The following CRPPA variants were observed in gnomAD, a reference collection of about 807,000 sequenced individuals.
The protein encoded by CRPPA is CDP-L-ribitol pyrophosphorylase A.
In CRPPA, 43 loss-of-function variants were observed where a neutral mutation model predicts 52.0. That is an observed-to-expected ratio of 0.83 (90% CI 0.65 to 1.07). The LOEUF is 1.07. Ranked by LOEUF, CRPPA falls within the 50% of genes least tolerant of loss-of-function variation. The pLI, the probability that CRPPA is intolerant of heterozygous loss-of-function variation, is 0.00. For missense variants in CRPPA, 629 were observed against 551.7 expected (o/e 1.14, Z -1.40); for synonymous variants, 250 against 203.5 (o/e 1.23, Z -1.94).
intron 6 of CRPPA, among the ~76,000 whole-genome samples, chr7:16,267,014 T>A (rs1583480122): frequency 6.6e-6 from 1 of 152,310 alleles, no homozygotes; most frequent in East Asian, 1.9e-4. Context: ...AACAGTAATA[T>A]GATCCCTTTA....
rs1783561025 is a variant in CRPPA at position 16,254,539 on chromosome 7, G to A, written c.1119+3851C>T. ...CACTCATAGGTGGGAATTGAACAAT[G>A]AGAACACTTGGACACAGGGTGGGGA... is the stretch of plus-strand genomic sequence containing the variant. On this transcript the variant is annotated intron_variant, in intron 8 of 9. Transcript: ENST00000407010. 2.0e-5 allele frequency among the ~76,000 whole-genome samples: 3 copies of A among 152,068 alleles called. No homozygotes were observed. The South Asian group carries it at 6.2e-4, about 32-fold the overall frequency.
chr7:16,149,639 G>A (rs1230571931), intron 9 of CRPPA, among the ~76,000 whole-genome samples: 3 of 152,102 alleles, frequency 2.0e-5, no homozygotes, highest in Admixed American at 1.3e-4. Context: ...AAGGTAACTA[G>A]CAAGTTGATT....
chr7:16,288,845 CAA>C (rs71007760), intron 5 of CRPPA, among the ~76,000 whole-genome samples: 2,043 of 34,662 alleles, frequency 0.059, 32 homozygotes, highest in African/African-American at 0.22. Flanking sequence ...GACTCTGCCT[CAA>C]AAAAAAAAAA....
chr7:16,382,684 T>C (rs1263058623), intron 2 of CRPPA, among the ~76,000 whole-genome samples: 3 of 152,122 alleles, frequency 2.0e-5, no homozygotes, highest in African/African-American at 4.8e-5. Context: ...GGAGGCTTTG[T>C]TCGTTTCTTT....
chr7:16,415,961 CA>C (rs1304704157), intron 1 of CRPPA, among the ~76,000 whole-genome samples: 1 of 152,086 alleles, frequency 6.6e-6, no homozygotes, highest in Non-Finnish European at 1.5e-5. Context: ...TTCAAAATTC[CA>C]AAAGACAAAT....
At chr7:16,158,078 G>A (rs1246687277) in intron 9 of CRPPA, among the ~76,000 whole-genome samples, 2 of 150,830 alleles carry the variant, frequency 1.3e-5, no homozygotes, top group Non-Finnish European at 3.0e-5. Flanking sequence ...TAGAGACGGG[G>A]TTTCACCATG....
At chr7:16,243,769 C>A (rs937547760) in intron 8 of CRPPA, among the ~76,000 whole-genome samples, 10 of 152,050 alleles carry the variant, frequency 6.6e-5, no homozygotes, top group African/African-American at 2.4e-4. Flanking sequence ...AGTTTAAGAC[C>A]AGATTGGGCA....
intron 8 of CRPPA, among the ~76,000 whole-genome samples, chr7:16,236,558 T>C (rs1447707015): frequency 2.6e-5 from 4 of 152,144 alleles, no homozygotes; most frequent in Admixed American, 2.6e-4. Flanking sequence ...CCATTAGCTT[T>C]CTATACTTTC....
At chr7:16,205,776 C>T (rs891949871) in intron 9 of CRPPA, among the ~76,000 whole-genome samples, 19 of 146,078 alleles carry the variant, frequency 1.3e-4, no homozygotes, top group African/African-American at 4.7e-4. Context: ...TAATGCTGGA[C>T]TTTTTTAAAC....
At chr7:16,208,737 A>G (rs1234872228) in intron 9 of CRPPA, among the ~76,000 whole-genome samples, 1 of 152,208 alleles carries the variant, frequency 6.6e-6, no homozygotes, top group Non-Finnish European at 1.5e-5. Flanking sequence ...CTTCATATGT[A>G]TGCCTGGGTA....
At chr7:16,173,935 T>C (rs968824826) in intron 9 of CRPPA, among the ~76,000 whole-genome samples, 2 of 152,186 alleles carry the variant, frequency 1.3e-5, no homozygotes, top group East Asian at 1.9e-4. Flanking sequence ...GCTTACTATA[T>C]TGAGAAAAAA....
intron 3 of CRPPA, among the ~76,000 whole-genome samples, chr7:16,373,608 A>C (rs1241153122): frequency 6.6e-6 from 1 of 152,184 alleles, no homozygotes; most frequent in Non-Finnish European, 1.5e-5. Context: ...CTAAAAGAAC[A>C]CAGAACGGGT....
At chr7:16,153,205 T>C (rs1050807957) in intron 9 of CRPPA, among the ~76,000 whole-genome samples, 2 of 152,010 alleles carry the variant, frequency 1.3e-5, no homozygotes, top group Admixed American at 1.3e-4. Flanking sequence ...TCACTGCCAA[T>C]TTCTTTTCAC....
chr7:16,336,843 G>C (rs1186651546), intron 3 of CRPPA, among the ~76,000 whole-genome samples: 1 of 152,002 alleles, frequency 6.6e-6, no homozygotes, highest in Non-Finnish European at 1.5e-5. Context: ...TAGCAGGGTA[G>C]CTATACCTAT....
At chr7:16,278,646 G>A (rs566057084) in intron 5 of CRPPA, among the ~76,000 whole-genome samples, 2 of 152,272 alleles carry the variant, frequency 1.3e-5, no homozygotes, top group East Asian at 3.9e-4. Context: ...GATTCAATGT[G>A]CCATCCAGTG....
At chr7:16,375,467 A>G (rs1182995432) in intron 3 of CRPPA, among the ~76,000 whole-genome samples, 1 of 152,212 alleles carries the variant, frequency 6.6e-6, no homozygotes, top group East Asian at 1.9e-4. Context: ...TAAAGAAATT[A>G]CTTGATTTTT....
At position 16,176,013 on chromosome 7, in the gene CRPPA, A is replaced by C. The variant is rs1283419686; in HGVS notation, c.1251+40053T>G. Among the ~76,000 whole-genome samples, 3 of 152,134 alleles carry C rather than the reference A, an allele frequency of 2.0e-5. No individual in the cohort carries two copies. The East Asian group carries it at 5.8e-4, about 29-fold the overall frequency. ...CGAAAAGCTTCTTATTTATTGTGGG[A>C]ATAGTAGGCCCCTAAATTGCCAATC... On this transcript the variant is annotated intron_variant, in intron 9 of 9. Coordinates refer to ENST00000407010, the MANE Select transcript of CRPPA (RefSeq NM_001101426.4).
intron 5 of CRPPA, among the ~76,000 whole-genome samples, chr7:16,288,845 C>CAAAAAAAA (rs71007760): frequency 3.4e-4 from 12 of 34,824 alleles, no homozygotes; most frequent in African/African-American, 1.1e-3. Context: ...GACTCTGCCT[C>CAAAAAAAA]AAAAAAAAAA....
chr7:16,376,115 C>T lies in CRPPA; in HGVS notation c.661G>A (p.Val221Met), dbSNP rs749732549. 6 of 1,603,006 alleles carry T rather than the reference C, an allele frequency of 3.7e-6. No individual in the cohort carries two copies. The South Asian group carries it at 5.6e-5, about 15-fold the overall frequency. ...SEMPQAFLFD[V>M]IYEAYQQCSD... ...ACCTGCTGATATGCTTCATAAATCA[C>T]ATCAAATAGAAAAGCTTGGGGCATT... Residue 221 changes from valine (V) to methionine (M), a missense_variant, in exon 3 of 10, where the codon GTG (valine) becomes ATG (methionine). Val to Met is a conservative substitution (Grantham distance 21). Coordinates refer to ENST00000407010, the MANE Select transcript of CRPPA (RefSeq NM_001101426.4).
Sources: allele counts gnomAD v4.1 joint callset (sites outside exome capture counted in the v4.1 genomes callset), GRCh38; gene constraint gnomAD v4.1.1; transcripts MANE v1.5; gene names NCBI Gene and HGNC (gene_info 2026-07-23, HGNC 2026-07-21).